Variants in RUBCNL observed in about 807,000 individuals in gnomAD.
RUBCNL encodes rubicon like autophagy enhancer.
Under a neutral mutation model 69.5 loss-of-function variants are expected in RUBCNL, and 62 were observed. That is an observed-to-expected ratio of 0.89 (90% CI 0.73 to 1.10). The LOEUF (loss-of-function observed/expected upper bound fraction) is 1.10, where lower values mean the gene tolerates loss of function less well. RUBCNL is among the 50% of genes least tolerant of loss of function. RUBCNL has a pLI of 0.00. For missense variants in RUBCNL, 768 were observed against 798.1 expected, an observed-to-expected ratio of 0.96 and a Z score of 0.45; for synonymous variants, 291 against 303.6, an observed-to-expected ratio of 0.96 and a Z score of 0.43.
rs377288271 is a variant in RUBCNL, at chr13:46,371,931, C to T, written c.535+10G>A. On this transcript the variant is annotated intron_variant, in intron 3 of 14. Coordinates refer to ENST00000429979, the MANE Select transcript of RUBCNL (RefSeq NM_025113.5). ...AGAGAGGAATGAGGGAGGTCACCTA[C>T]TAAAATTACCTTCATCAGCAGCAGA... is the stretch of plus-strand genomic sequence containing the variant. 2.2e-4 allele frequency: 353 copies of T among 1,613,298 alleles called. No homozygotes were observed. The highest frequency in any genetic ancestry group is 2.6e-4 in the South Asian group (24 of 90,990).
chr13:46,386,877 C>T (rs2049260586), intron 1 of RUBCNL, among the ~76,000 whole-genome samples: 1 of 152,194 alleles, frequency 6.6e-6, no homozygotes, highest in South Asian at 2.1e-4. Flanking sequence ...CCAAGCCGAA[C>T]ACAGGGTCAA....
rs534596113 is a variant in RUBCNL, at chr13:46,339,714, C to G, written c.*3671G>C. Among the ~76,000 whole-genome samples, 4 of 152,166 alleles carry G rather than the reference C, an allele frequency of 2.6e-5. No homozygotes were observed. The East Asian group carries it at 7.7e-4, about 29-fold the overall frequency. Reference sequence around the variant, plus strand: ...TCTCTACTAAAAATACAAAAATTATCCAGGCCTGGTGGCGTGCGCCTGCAA... The same window carrying G: ...TCTCTACTAAAAATACAAAAATTATGCAGGCCTGGTGGCGTGCGCCTGCAA... On this transcript the variant is annotated 3_prime_UTR_variant, in exon 15 of 15. Transcript: ENST00000429979.
intron 8 of RUBCNL, among the ~76,000 whole-genome samples, chr13:46,361,224 C>CA (rs1184508802): frequency 6.6e-6 from 1 of 151,940 alleles, no homozygotes; most frequent in African/African-American, 2.4e-5. Flanking sequence ...GAATCCGTCT[C>CA]AAAAAAATTA....
At chr13:46,357,150 G>C (rs2048505271) in intron 9 of RUBCNL, among the ~76,000 whole-genome samples, 1 of 151,122 alleles carries the variant, frequency 6.6e-6, no homozygotes, top group South Asian at 2.1e-4. Context: ...AGACCATCCT[G>C]GCCAAACCCT....
chr13:46,372,259 C>T lies in RUBCNL; in HGVS notation c.217G>A (p.Ala73Thr). The T allele has an allele frequency of 6.2e-7, 1 of 1,614,044 alleles. No homozygotes were observed. The highest frequency in any genetic ancestry group is 8.5e-7 in the Non-Finnish European group (1 of 1,179,896). ...PQDLQSQVPAAGNSGTHFVTD... is the reference protein window; with the variant it reads ...PQDLQSQVPATGNSGTHFVTD... Reference sequence around the variant, plus strand: ...ACAAAATGGGTCCCACTGTTCCCTGCTGCTGGCACCTGAGATTGCAAGTCC... The same window carrying T: ...ACAAAATGGGTCCCACTGTTCCCTGTTGCTGGCACCTGAGATTGCAAGTCC... The change falls in exon 3 of 15, where the codon GCA becomes ACA. Residue 73 changes from alanine (A) to threonine (T), a missense_variant. By Grantham distance (58) the Ala-to-Thr change is moderately conservative. Coordinates refer to ENST00000429979, the MANE Select transcript of RUBCNL (RefSeq NM_025113.5).
chr13:46,372,193 G>C lies in RUBCNL; in HGVS notation c.283C>G (p.Leu95Val). The change falls in exon 3 of 15, where the codon CTC (leucine) becomes GTC (valine). Residue 95 changes from leucine (L) to valine (V), a missense_variant. Transcript: ENST00000429979. The part of the protein sequence containing the change: ...ASPSGPSPSC[L>V]GDSLAETTLS... ...GTTGTCTCTGCCAGGGAGTCCCCGAGGCACGAAGGTGAAGGGCCTGAGGGA... is the reference window on the plus strand; with the variant it reads ...GTTGTCTCTGCCAGGGAGTCCCCGACGCACGAAGGTGAAGGGCCTGAGGGA... The C allele has an allele frequency of 6.2e-7, 1 of 1,614,032 alleles. No individual in the cohort carries two copies. The highest frequency in any genetic ancestry group is 8.5e-7 in the Non-Finnish European group (1 of 1,179,892).
At position 46,361,852 on chromosome 13, in the gene RUBCNL, T is replaced by C. The variant is rs2048618424; in HGVS notation, c.987-279A>G. Among the ~76,000 whole-genome samples, 3 of 152,298 alleles carry C rather than the reference T, an allele frequency of 2.0e-5. No homozygotes were observed. In the South Asian group the frequency reaches 6.2e-4, roughly 32 times the overall value. On this transcript the variant is annotated intron_variant, in intron 7 of 14. Coordinates refer to ENST00000429979, the MANE Select transcript of RUBCNL (RefSeq NM_025113.5). ...AAGACCTGCATTCAAGCCCTACTTC[T>C]ACCTCACAGCCTTCGTGTCCCGAAG...
intron 12 of RUBCNL, among the ~76,000 whole-genome samples, chr13:46,346,978 A>T (rs1346730457): frequency 6.6e-6 from 1 of 152,202 alleles, no homozygotes; most frequent in Non-Finnish European, 1.5e-5. Flanking sequence ...CTAGATTTTT[A>T]AAATAATTTC....
chr13:46,357,652 T>G (rs1202056312), intron 9 of RUBCNL, among the ~76,000 whole-genome samples: 2 of 148,024 alleles, frequency 1.4e-5, no homozygotes, highest in Non-Finnish European at 3.0e-5. Flanking sequence ...TTTTTTGAGA[T>G]GGAGTCTTAT....
chr13:46,362,610 TAAAA>T lies in RUBCNL; in HGVS notation c.926-16_926-13del. The T allele has an allele frequency of 6.3e-7, 1 of 1,597,450 alleles. No homozygotes were observed. Among genetic ancestry groups the T allele is most frequent in the Non-Finnish European group, 8.6e-7 (1 of 1,169,354 alleles). On this transcript the variant is annotated splice_polypyrimidine_tract_variant and intron_variant, in intron 6 of 14. Coordinates refer to ENST00000429979, the MANE Select transcript of RUBCNL (RefSeq NM_025113.5). The stretch of plus-strand genomic sequence containing the variant: ...AAAATCTCCAAGCTCTGTGGGAAAA[TAAAA>T]GAAAGAGTGGTGAGGTCTTTTAGTC...
Position 46,349,274 on chromosome 13 carries a change from T to C in RUBCNL, c.1631+12A>G, listed in dbSNP as rs370515348. 3.1e-6 allele frequency: 5 copies of C among 1,612,814 alleles called. No individual in the cohort carries two copies. Among genetic ancestry groups the C allele is most frequent in the Non-Finnish European group, 4.2e-6 (5 of 1,178,990 alleles). ...TGGAGGGAAGGCAGCCTGTCCCAGC[T>C]GAGAATAGTACCTGTTAGCAAACCT... is the stretch of plus-strand genomic sequence containing the variant. On this transcript the variant is annotated intron_variant, in intron 12 of 14. Transcript: ENST00000429979.
chr13:46,381,381 A>G (rs1233708655), intron 1 of RUBCNL, among the ~76,000 whole-genome samples: 1 of 152,126 alleles, frequency 6.6e-6, no homozygotes, highest in Non-Finnish European at 1.5e-5. Context: ...TCATATATAT[A>G]TATATATAAA....
intron 13 of RUBCNL, 95 bp from the exon 14 acceptor site, chr13:46,344,926 G>T: frequency 1.3e-6 from 1 of 776,540 alleles, no homozygotes; most frequent in Non-Finnish European, 2.2e-6. Flanking sequence ...GTGTTTCAGT[G>T]TCTATGATTC....
chr13:46,355,501 T>C (rs909103127), intron 10 of RUBCNL, among the ~76,000 whole-genome samples: 1 of 152,172 alleles, frequency 6.6e-6, no homozygotes, highest in Non-Finnish European at 1.5e-5. Flanking sequence ...TTTCACAATG[T>C]TGGCCAGGCT....
intron 2 of RUBCNL, among the ~76,000 whole-genome samples, chr13:46,375,709 GT>G: frequency 6.6e-6 from 1 of 152,110 alleles, no homozygotes; most frequent in Non-Finnish European, 1.5e-5. Flanking sequence ...TATGAAAACT[GT>G]TCTTGAGACT....
intron 2 of RUBCNL, 114 bp downstream of exon 2, chr13:46,377,776 T>G: frequency 1.8e-6 from 1 of 558,628 alleles, no homozygotes; most frequent in South Asian, 2.8e-5. Context: ...TTTGCCAGGT[T>G]ATAAAATCAA....
intron 4 of RUBCNL, 175 bp downstream of exon 4, chr13:46,368,558 G>A (rs1204129921): frequency 5.4e-6 from 5 of 932,474 alleles, no homozygotes; most frequent in Non-Finnish European, 6.4e-6. Flanking sequence ...CTGAGCACAG[G>A]CACGGCCTCG....
At position 46,387,125 on chromosome 13, in the gene RUBCNL, C is replaced by A; in HGVS notation, c.-239+9G>T. The A allele has an allele frequency of 1.0e-6, 1 of 985,718 alleles. No homozygotes were observed. The highest frequency in any genetic ancestry group is 4.7e-5 in the South Asian group (1 of 21,322). 61.1% of individuals were successfully genotyped at this position (985,718 alleles called of 1,614,324 possible). A position where few individuals can be genotyped will look rare whatever the true frequency, so the allele number is the denominator to read the frequency against. On this transcript the variant is annotated intron_variant, in intron 1 of 14. Coordinates refer to ENST00000429979, the MANE Select transcript of RUBCNL (RefSeq NM_025113.5). ...GCTCCCATCTCGCCCCCGGCCCCGC[C>A]AGCCTCACCCAGCCAAACCCGAGCG...
chr13:46,368,573 C>G (rs2048811138), intron 4 of RUBCNL, 160 bp downstream of exon 4: 1 of 883,392 alleles, frequency 1.1e-6, no homozygotes, highest in Non-Finnish European at 1.4e-6. Context: ...GCCTCGGAAC[C>G]CTTCTTAGCT....
Sources: gnomAD v4.1 joint callset for allele counts (sites outside exome capture counted in the v4.1 genomes callset) on GRCh38, gnomAD v4.1.1 for gene constraint, MANE v1.5 for transcripts, NCBI Gene and HGNC (gene_info 2026-07-23, HGNC 2026-07-21) for gene names.